NRG3: variants seen among roughly 807,000 people sequenced by gnomAD.
NRG3 encodes the protein pro-neuregulin-3, membrane-bound isoform.
In NRG3, 31 loss-of-function variants were observed where a neutral mutation model predicts 66.9. That is an observed-to-expected ratio of 0.46 (90% CI 0.35 to 0.63). NRG3 has a LOEUF of 0.63. Ranked by LOEUF, NRG3 falls within the 20% of genes least tolerant of loss-of-function variation. The probability of loss-of-function intolerance (pLI) is 0.00; values close to 1 mark genes in which losing one functional copy is unlikely to be tolerated. For synonymous variants in NRG3, 393 were observed against 359.4 expected (o/e 1.09, Z -1.06); for missense variants, 910 against 878.9 (o/e 1.04, Z -0.45).
intron 2 of NRG3, among the ~76,000 whole-genome samples, chr10:82,636,206 T>C (rs993496985): frequency 1.4e-5 from 2 of 141,960 alleles, no homozygotes; most frequent in South Asian, 2.4e-4. Flanking sequence ...GTTTTCAATA[T>C]GTGTGTCTAT....
At chr10:82,578,317 T>C (rs548854043) in intron 2 of NRG3, among the ~76,000 whole-genome samples, 1 of 145,512 alleles carries the variant, frequency 6.9e-6, no homozygotes, top group South Asian at 2.2e-4. Context: ...GTTTCTCTGA[T>C]CATTGATATT....
At chr10:82,015,408 T>G (rs2061743517) in intron 1 of NRG3, among the ~76,000 whole-genome samples, 1 of 152,148 alleles carries the variant, frequency 6.6e-6, no homozygotes, top group Non-Finnish European at 1.5e-5. Flanking sequence ...GGAACAAATC[T>G]CATCAATATG....
chr10:81,948,883 A>G (rs1849085034), intron 1 of NRG3, among the ~76,000 whole-genome samples: 2 of 152,190 alleles, frequency 1.3e-5, no homozygotes, highest in African/African-American at 4.8e-5. Context: ...TAATACTCAC[A>G]GGTACAGTTT....
intron 1 of NRG3, among the ~76,000 whole-genome samples, chr10:82,242,090 T>C (rs935370926): frequency 6.6e-6 from 1 of 152,214 alleles, no homozygotes; most frequent in African/African-American, 2.4e-5. Context: ...ATTTATATAG[T>C]GAATGATATT....
chr10:82,910,188 GA>G (rs1369442292), intron 4 of NRG3, among the ~76,000 whole-genome samples: 1 of 152,160 alleles, frequency 6.6e-6, no homozygotes, highest in African/African-American at 2.4e-5. Flanking sequence ...AATTTGTAAA[GA>G]CTTGTGATAA....
At chr10:82,229,903 A>G (rs1402644881) in intron 1 of NRG3, among the ~76,000 whole-genome samples, 2 of 152,218 alleles carry the variant, frequency 1.3e-5, no homozygotes, top group African/African-American at 2.4e-5. Flanking sequence ...AAAATATCAA[A>G]AAGCATGTGA....
At chr10:82,428,007 C>A (rs1021216451) in intron 2 of NRG3, among the ~76,000 whole-genome samples, 1 of 152,040 alleles carries the variant, frequency 6.6e-6, no homozygotes, top group Middle Eastern at 3.4e-3. Flanking sequence ...TTGTTCATAG[C>A]ATTCCTTATT....
At chr10:82,774,133 G>A (rs2059813483) in intron 3 of NRG3, among the ~76,000 whole-genome samples, 2 of 152,098 alleles carry the variant, frequency 1.3e-5, no homozygotes, top group Admixed American at 6.6e-5. Flanking sequence ...TTACATTAAT[G>A]TTCATTAGAC....
At chr10:82,730,717 T>C (rs2057858908) in intron 2 of NRG3, among the ~76,000 whole-genome samples, 1 of 152,228 alleles carries the variant, frequency 6.6e-6, no homozygotes, top group Non-Finnish European at 1.5e-5. Context: ...AATTAAATTC[T>C]CAATTCAGCA....
intron 1 of NRG3, among the ~76,000 whole-genome samples, chr10:82,056,918 A>G (rs2063871856): frequency 6.6e-6 from 1 of 152,032 alleles, no homozygotes; most frequent in Non-Finnish European, 1.5e-5. Flanking sequence ...ATTTATTTTT[A>G]CACTGCAATT....
At chr10:81,947,520 C>T (rs990995191) in intron 1 of NRG3, among the ~76,000 whole-genome samples, 5 of 152,136 alleles carry the variant, frequency 3.3e-5, no homozygotes, top group Non-Finnish European at 7.4e-5. Context: ...CCCCATTGGC[C>T]TTGATCCCAT....
intron 1 of NRG3, among the ~76,000 whole-genome samples, chr10:81,903,974 G>GTATATATA (rs71007284): frequency 7.0e-6 from 1 of 143,430 alleles, no homozygotes; most frequent in African/African-American, 2.6e-5. Context: ...TTCAGAGTGT[G>GTATATATA]TATATATATA....
chr10:81,937,822 C>T lies in NRG3; in HGVS notation c.823+61659C>T, dbSNP rs551572444. ...TGATAGCCAAGAAATATCGCCAAAT[C>T]TAATGTTATAAAGCTTCTCCCCTGA... is the stretch of plus-strand genomic sequence containing the variant. On this transcript the variant is annotated intron_variant, in intron 1 of 8. Coordinates refer to ENST00000372141, the MANE Select transcript of NRG3 (RefSeq NM_001010848.4). Among the ~76,000 whole-genome samples, 138 of 152,054 alleles carry T rather than the reference C, an allele frequency of 9.1e-4. 1 individual carries two copies. The highest frequency in any genetic ancestry group is 1.5e-3 in the Non-Finnish European group (104 of 68,000).
At chr10:82,364,599 T>G (rs1341572681) in intron 2 of NRG3, among the ~76,000 whole-genome samples, 2 of 152,172 alleles carry the variant, frequency 1.3e-5, no homozygotes, top group African/African-American at 4.8e-5. Flanking sequence ...CACATTTGAA[T>G]GGACCAAATG....
In NRG3 at chr10:82,871,346, G is replaced by A. The variant is rs1004665581; in HGVS notation, c.1054+5909G>A. Among the ~76,000 whole-genome samples the A allele has an allele frequency of 2.6e-5, 4 of 151,614 alleles. No individual in the cohort carries two copies. The South Asian group carries it at 6.2e-4, about 24-fold the overall frequency. On this transcript the variant is annotated intron_variant, in intron 4 of 8. Transcript: ENST00000372141. ...CTATAGCTTTATAATAAGTATTGAA[G>A]TAAAGTGGGGTCCGTCTTTCAACTT...
chr10:82,418,106 C>T (rs2088715872), intron 2 of NRG3, among the ~76,000 whole-genome samples: 1 of 152,152 alleles, frequency 6.6e-6, no homozygotes, highest in South Asian at 2.1e-4. Flanking sequence ...CCATGCTGCA[C>T]CTTTCCAGAA....
chr10:81,875,933 C>T lies in NRG3; in HGVS notation c.593C>T (p.Ala198Val). 1 of 1,613,698 alleles carries T rather than the reference C, an allele frequency of 6.2e-7. No homozygotes were observed. The highest frequency in any genetic ancestry group is 8.5e-7 in the Non-Finnish European group (1 of 1,180,024). ...CCTGCGACGGTCCCGTCCACCACGG[C>T]CCCGTTCTTCAGTAGCAGCACGCTG... ...AAPATVPSTTAPFFSSSTLGS... is the reference protein window; with the variant it reads ...AAPATVPSTTVPFFSSSTLGS... Residue 198 changes from alanine to valine, a missense_variant, in exon 1 of 9, where the codon GCC becomes GTC. Transcript: ENST00000372141. The surrounding 1 kb of genome is among the most constrained non-coding windows in gnomAD (Gnocchi z 5.3).
chr10:82,264,883 A>G (rs1221143799), intron 1 of NRG3, among the ~76,000 whole-genome samples: 2 of 152,166 alleles, frequency 1.3e-5, no homozygotes, highest in Non-Finnish European at 2.9e-5. Context: ...TGGAATGGGT[A>G]CAAAAGAGAG....
Position 82,986,731 on chromosome 10 carries a change from G to C in NRG3, c.*1126G>C, listed in dbSNP as rs1260503189. The stretch of plus-strand genomic sequence containing the variant: ...CAGTATCATAAGGTGAGTTCATCAA[G>C]GATGTGTGTTTATTTTGAATCATGC... On this transcript the variant is annotated 3_prime_UTR_variant, in exon 9 of 9. Transcript: ENST00000372141. 6.6e-6 allele frequency: 1 copy of C among 152,096 alleles called. No individual in the cohort carries two copies. The highest frequency in any genetic ancestry group is 1.9e-4 in the East Asian group (1 of 5,182). The allele number at this position is 152,096 out of a possible 1,614,324, so 9.4% of individuals were successfully genotyped here. A position where few individuals can be genotyped will look rare whatever the true frequency, so the allele number is the denominator to read the frequency against.
Sources: allele counts gnomAD v4.1 joint callset (sites outside exome capture counted in the v4.1 genomes callset), GRCh38; gene constraint gnomAD v4.1.1; non-coding constraint Gnocchi (gnomAD v3.1); transcripts MANE v1.5; gene names NCBI Gene and HGNC (gene_info 2026-07-23, HGNC 2026-07-21).